Variants in PPME1 observed in about 807,000 individuals in gnomAD.
PPME1 encodes testicular secretory protein Li 39.
A neutral mutation model predicts 56.9 loss-of-function variants in PPME1; 17 were observed. The observed-to-expected ratio is 0.30, with a 90% confidence interval of 0.20 to 0.45. The LOEUF (loss-of-function observed/expected upper bound fraction) is 0.45. PPME1 is among the 20% of genes least tolerant of loss of function. The pLI, the probability that PPME1 is intolerant of heterozygous loss-of-function variation, is 1.00. For synonymous variants in PPME1, 122 were observed against 156.2 expected (o/e 0.78, Z 1.63); for missense variants, 357 against 483.2 (o/e 0.74, Z 2.45).
chr11:74,252,323 A>C, intron 13 of PPME1: 1 of 393,374 alleles, frequency 2.5e-6, no homozygotes, highest in Non-Finnish European at 5.2e-6. Flanking sequence ...CCTGGCCTCA[A>C]GTGATCCACC....
In PPME1 at chr11:74,239,157, A is replaced by G; in HGVS notation, c.735A>G (p.Glu245=). The change falls in exon 9 of 14, where the codon GAA becomes GAG. Residue 245 remains glutamate, a synonymous_variant. Transcript: ENST00000328257. ...VKQCEGITSP[E]GSKSIVEGII... ...GGTGTGAAGGAATTACAAGTCCAGA[A>G]GGCTCAAAATCTATAGTGGAAGGAA... 19 of 1,613,678 alleles carry G rather than the reference A, an allele frequency of 1.2e-5. No homozygotes were observed. Among genetic ancestry groups the G allele is most frequent in the Non-Finnish European group, 1.6e-5 (19 of 1,179,732 alleles).
intron 1 of PPME1, among the ~76,000 whole-genome samples, chr11:74,187,856 G>A (rs1227935711): frequency 6.6e-6 from 1 of 152,196 alleles, no homozygotes. Flanking sequence ...TGGAATTAAG[G>A]TTGCTAATCA....
chr11:74,235,901 T>C lies in PPME1; in HGVS notation c.645T>C (p.Ser215=), dbSNP rs778082229. 1.2e-6 allele frequency: 2 copies of C among 1,610,964 alleles called. No homozygotes were observed. Among genetic ancestry groups the C allele is most frequent in the Non-Finnish European group, 1.7e-6 (2 of 1,178,652 alleles). Reference sequence around the variant, plus strand: ...TCTCTTCCTTTCTTTTCTTTCCCAGTGTGAAGAGTGGCCAGATTCGAAATC... The same window carrying C: ...TCTCTTCCTTTCTTTTCTTTCCCAGCGTGAAGAGTGGCCAGATTCGAAATC... ...FKSLENAIEW[S]VKSGQIRNLE... Residue 215 remains serine (S), a splice_region_variant and synonymous_variant, in exon 8 of 14, where the codon AGT becomes AGC. Transcript: ENST00000328257.
At chr11:74,211,433 TA>T (rs1307739837) in intron 3 of PPME1, among the ~76,000 whole-genome samples, 2 of 152,022 alleles carry the variant, frequency 1.3e-5, no homozygotes, top group African/African-American at 4.8e-5. Flanking sequence ...GTAGAAAGAA[TA>T]AAGAAATAAG....
At chr11:74,181,626 T>G (rs1857541107) in intron 1 of PPME1, among the ~76,000 whole-genome samples, 1 of 152,222 alleles carries the variant, frequency 6.6e-6, no homozygotes, top group Non-Finnish European at 1.5e-5. Context: ...CAGTTAAATG[T>G]TTTTGTAAAA....
chr11:74,250,808 C>A, intron 11 of PPME1, 146 bp from the exon 12 acceptor site: 2 of 651,784 alleles, frequency 3.1e-6, no homozygotes, highest in Non-Finnish European at 2.7e-6. Flanking sequence ...TTACCATCCT[C>A]AGCAAGACTT....
chr11:74,235,263 C>T (rs1859162527), intron 7 of PPME1, among the ~76,000 whole-genome samples: 2 of 152,150 alleles, frequency 1.3e-5, no homozygotes, highest in East Asian at 3.9e-4. Flanking sequence ...TGTGAGAAGA[C>T]TAATTTATTC....
At chr11:74,177,286 C>A (rs889553633) in intron 1 of PPME1, among the ~76,000 whole-genome samples, 1 of 151,898 alleles carries the variant, frequency 6.6e-6, no homozygotes, top group Admixed American at 6.6e-5. Flanking sequence ...CATGGTGAAA[C>A]CTCTTCTCTA....
chr11:74,243,644 T>C (rs1859433647), intron 9 of PPME1: 1 of 152,142 alleles, frequency 6.6e-6, no homozygotes, highest in Non-Finnish European at 1.5e-5. Flanking sequence ...CCTTTGTATC[T>C]CCTTTTACTG....
intron 1 of PPME1, among the ~76,000 whole-genome samples, chr11:74,182,295 T>A (rs891749141): frequency 6.6e-6 from 1 of 152,192 alleles, no homozygotes; most frequent in African/African-American, 2.4e-5. Context: ...TGGAAAACTG[T>A]CTAATGGAAA....
chr11:74,172,392 G>A (rs1857279922), intron 1 of PPME1, among the ~76,000 whole-genome samples: 1 of 152,206 alleles, frequency 6.6e-6, no homozygotes, highest in South Asian at 2.1e-4. Context: ...GTGAATGGAA[G>A]TGCTGCAGTT....
At chr11:74,239,443 T>A (rs2135671047) in intron 9 of PPME1, among the ~76,000 whole-genome samples, 187 bp downstream of exon 9, 1 of 152,294 alleles carries the variant, frequency 6.6e-6, no homozygotes, top group East Asian at 1.9e-4. Context: ...TCTGACCAAT[T>A]GGAACATAAA....
At chr11:74,216,582 A>C (rs1303771020) in intron 3 of PPME1, among the ~76,000 whole-genome samples, 1 of 152,170 alleles carries the variant, frequency 6.6e-6, no homozygotes, top group Non-Finnish European at 1.5e-5. Context: ...ATCCTAAAGA[A>C]TTAGAAGAGC....
At chr11:74,193,605 A>G (rs1336393901) in intron 1 of PPME1, among the ~76,000 whole-genome samples, 1 of 152,150 alleles carries the variant, frequency 6.6e-6, no homozygotes, top group Non-Finnish European at 1.5e-5. Flanking sequence ...TCAGAACTTC[A>G]GTTTGACATA....
chr11:74,200,706 G>GT (rs1858139209), intron 1 of PPME1, among the ~76,000 whole-genome samples: 1 of 151,858 alleles, frequency 6.6e-6, no homozygotes, highest in African/African-American at 2.4e-5. Flanking sequence ...AAAAGAAGGT[G>GT]TTAGGGGTGT....
intron 9 of PPME1, among the ~76,000 whole-genome samples, chr11:74,244,759 G>A (rs1859463336): frequency 6.6e-6 from 1 of 151,978 alleles, no homozygotes. Flanking sequence ...ACTGCTTTTT[G>A]GTGTCATATC....
Position 74,254,117 on chromosome 11 carries a change from G to A in PPME1, c.*607G>A, listed in dbSNP as rs17132882. 15,812 of 153,498 alleles carry A rather than the reference G, an allele frequency of 0.1. 2,145 individuals carry two copies. The highest frequency in any genetic ancestry group is 0.32 in the African/African-American group (13,213 of 41,484). 9.5% of individuals were successfully genotyped at this position (153,498 alleles called of 1,614,324 possible). The stretch of plus-strand genomic sequence containing the variant: ...ACGAGCCTGAAAATCAGGTCCAGCC[G>A]GTCCAAGCACATGGCCTCCCATCTG... On this transcript the variant is annotated 3_prime_UTR_variant, in exon 14 of 14. Transcript: ENST00000328257.
At chr11:74,222,931 CTTTT>C (rs1303067781) in intron 4 of PPME1, among the ~76,000 whole-genome samples, 1 of 140,730 alleles carries the variant, frequency 7.1e-6, no homozygotes, top group Non-Finnish European at 1.5e-5. Context: ...AAGTCAAATT[CTTTT>C]TTTTTTTAAT....
chr11:74,243,341 G>GTTAT (rs1859423855), intron 9 of PPME1: 1 of 151,220 alleles, frequency 6.6e-6, no homozygotes, highest in Non-Finnish European at 1.5e-5. Context: ...GAGATGAACT[G>GTTAT]TTATATATAT....
Sources: gnomAD v4.1 joint callset for allele counts (sites outside exome capture counted in the v4.1 genomes callset) on GRCh38, gnomAD v4.1.1 for gene constraint, MANE v1.5 for transcripts, NCBI Gene and HGNC (gene_info 2026-07-23, HGNC 2026-07-21) for gene names.